The following FUBP1 variants were observed in gnomAD, a reference collection of about 807,000 sequenced individuals.
FUBP1 encodes far upstream element binding protein 1, also known as far upstream element-binding protein 1.
A neutral mutation model predicts 94.9 loss-of-function variants in FUBP1; 16 were observed. The ratio of observed to expected loss-of-function variants is 0.17; its 90% CI spans 0.11 to 0.26. The LOEUF is 0.26. Among genes scored for constraint, FUBP1 ranks in the 10% least tolerant of loss-of-function variants. The probability of loss-of-function intolerance (pLI) is 1.00; values close to 1 mark genes in which losing one functional copy is unlikely to be tolerated. For synonymous variants in FUBP1, 279 were observed against 254.9 expected (o/e 1.09, Z -0.90); for missense variants, 583 against 808.6 (o/e 0.72, Z 3.38).
At position 77,978,998 on chromosome 1, in the gene FUBP1, C is replaced by T. The variant is rs1327627961; in HGVS notation, c.7G>A (p.Asp3Asn). Residue 3 changes from aspartate to asparagine, a missense_variant, in exon 1 of 20, where the codon GAC becomes AAC. Physicochemically the swap from Asp to Asn is conservative, Grantham distance 23. Transcript: ENST00000370768. ...GAGGGGGGAGGCACTGTTGAATAGTCTGCCATGGTTGCACTATAAGAGCCG... is the reference window on the plus strand; with the variant it reads ...GAGGGGGGAGGCACTGTTGAATAGTTTGCCATGGTTGCACTATAAGAGCCG... MADYSTVPPPSSG... is the reference protein window; with the variant it reads MANYSTVPPPSSG... The T allele has an allele frequency of 6.2e-7, 1 of 1,612,584 alleles. No individual in the cohort carries two copies. Among genetic ancestry groups the T allele is most frequent in the Non-Finnish European group, 8.5e-7 (1 of 1,178,920 alleles).
In FUBP1 at chr1:77,964,137, T is replaced by A. The variant is rs768670517; in HGVS notation, c.966A>T (p.Ile322=). ...GGTCTGGAGGTCCTGTTATTTGTGCTATCCTTTCGGGTGTTGTCCCATCAT... is the reference window on the plus strand; with the variant it reads ...GGTCTGGAGGTCCTGTTATTTGTGCAATCCTTTCGGGTGTTGTCCCATCAT... ...KPDDGTTPER[I]AQITGPPDRC... Residue 322 remains isoleucine (I), a synonymous_variant, in exon 12 of 20, where the codon ATA becomes ATT. Transcript: ENST00000370768. 1.9e-6 allele frequency: 3 copies of A among 1,608,840 alleles called. No homozygotes were observed. In the South Asian group the frequency reaches 3.3e-5, roughly 18 times the overall value.
Position 77,944,145 on chromosome 1 carries a change from G to T in FUBP1, c.*4621C>A. 5.2e-6 allele frequency: 1 copy of T among 192,886 alleles called. No homozygotes were observed. The highest frequency in any genetic ancestry group is 8.1e-5 in the East Asian group (1 of 12,300). The allele number at this position is 192,886 out of a possible 1,614,324, so 11.9% of individuals were successfully genotyped here. A position where few individuals can be genotyped will look rare whatever the true frequency, so the allele number is the denominator to read the frequency against. On this transcript the variant is annotated 3_prime_UTR_variant, in exon 20 of 20. Transcript: ENST00000370768. ...ACCTTTTACATACAATGTCATTAAA[G>T]CAAACTCTAAACCACAGTTGTAAAG... is the stretch of plus-strand genomic sequence containing the variant.
At chr1:77,963,408 C>T (rs1327976318) in intron 13 of FUBP1, among the ~76,000 whole-genome samples, 166 bp downstream of exon 13, 2 of 152,172 alleles carry the variant, frequency 1.3e-5, no homozygotes, top group African/African-American at 2.4e-5. Flanking sequence ...TCTAAATATA[C>T]ATGAGATCCC....
intron 18 of FUBP1, among the ~76,000 whole-genome samples, chr1:77,953,171 C>T (rs1653828271): frequency 6.6e-6 from 1 of 151,402 alleles, no homozygotes; most frequent in Non-Finnish European, 1.5e-5. Flanking sequence ...AAGGACTTGC[C>T]CAACTAATCT....
intron 7 of FUBP1, 130 bp downstream of exon 7, chr1:77,966,564 T>C (rs989392382): frequency 1.1e-5 from 7 of 626,814 alleles, no homozygotes; most frequent in Admixed American, 8.7e-5. Flanking sequence ...TTCAAAGGAG[T>C]TGGAGGACTT....
In FUBP1 at chr1:77,956,618, T is replaced by C. The variant is rs781246895; in HGVS notation, c.1659A>G (p.Pro553=). Residue 553 remains proline (P), a synonymous_variant, in exon 17 of 20, where the codon CCA becomes CCG. Coordinates refer to ENST00000370768, the MANE Select transcript of FUBP1 (RefSeq NM_003902.5). ...HYYQQQAQPP[P]AAPAGAPTTT... is the part of the protein sequence containing the mutation. ...TAGTTGGTGCACCTGCAGGGGCTGC[T>C]GGTGGTGGCTGTGCTTGCTGTTGAT... 5 of 1,610,260 alleles carry C rather than the reference T, an allele frequency of 3.1e-6. No homozygotes were observed. In the Admixed American group the frequency reaches 5.0e-5, roughly 16 times the overall value.
At chr1:77,968,930 CATA>C (rs1571333673) in intron 2 of FUBP1, 3 of 447,162 alleles carry the variant, frequency 6.7e-6, no homozygotes, top group South Asian at 3.4e-5. Flanking sequence ...TGCGCAGACA[CATA>C]ATCCAAGAAA....
At chr1:77,978,805 G>A (rs1659270162) in intron 1 of FUBP1, 80 bp downstream of exon 1, 1 of 1,540,948 alleles carries the variant, frequency 6.5e-7, no homozygotes, top group Non-Finnish European at 9.0e-7. Context: ...TCTTCCTCAT[G>A]CGCTTAAGGG....
intron 1 of FUBP1, among the ~76,000 whole-genome samples, chr1:77,978,031 T>C (rs1465724511): frequency 6.6e-6 from 1 of 152,238 alleles, no homozygotes; most frequent in African/African-American, 2.4e-5. Context: ...TCACAGAGAA[T>C]AGGATTCTTT....
In FUBP1 at chr1:77,964,077, A is replaced by C. The variant is rs748472938; in HGVS notation, c.1026T>G (p.Leu342=). 6.4e-7 allele frequency: 1 copy of C among 1,568,272 alleles called. No individual in the cohort carries two copies. Among genetic ancestry groups the C allele is most frequent in the African/African-American group, 1.3e-5 (1 of 74,086 alleles). ...CQHAAEIITD[L]LRSVQAGNPG... ...TCTATCAAACCTGAACACTTCGAAG[A>C]AGGTCTGTAATAATTTCTGCAGCAT... is the stretch of plus-strand genomic sequence containing the variant. The change falls in exon 12 of 20, where the codon CTT becomes CTG. Residue 342 remains leucine (L), a synonymous_variant. Coordinates refer to ENST00000370768, the MANE Select transcript of FUBP1 (RefSeq NM_003902.5).
chr1:77,954,992 A>T (rs975632232), intron 18 of FUBP1, among the ~76,000 whole-genome samples: 1 of 152,198 alleles, frequency 6.6e-6, no homozygotes, highest in Non-Finnish European at 1.5e-5. Context: ...TAATATATAT[A>T]ACTGTCATTG....
At chr1:77,959,709 AT>A (rs1331693067) in intron 16 of FUBP1, among the ~76,000 whole-genome samples, 1 of 151,986 alleles carries the variant, frequency 6.6e-6, no homozygotes, top group Non-Finnish European at 1.5e-5. Context: ...TTTAAAACAA[AT>A]TTTTTTAGAG....
In FUBP1 at chr1:77,967,679, T is replaced by C; in HGVS notation, c.251-13A>G. The C allele has an allele frequency of 6.7e-7, 1 of 1,481,554 alleles. No homozygotes were observed. Among genetic ancestry groups the C allele is most frequent in the Non-Finnish European group, 9.3e-7 (1 of 1,072,576 alleles). 91.8% of individuals were successfully genotyped at this position (1,481,554 alleles called of 1,614,324 possible). On this transcript the variant is annotated splice_polypyrimidine_tract_variant and intron_variant, in intron 3 of 19. Transcript: ENST00000370768. ...TGTGTTCCAAAAGCTATCAAAAAAT[T>C]AAATAAAAATAAAACAAAAATTCAA...
At position 77,960,490 on chromosome 1, in the gene FUBP1, T is replaced by C. The variant is rs765463248; in HGVS notation, c.1350A>G (p.Pro450=). The C allele has an allele frequency of 1.8e-5, 28 of 1,599,488 alleles. No homozygotes were observed. In the African/African-American group the frequency reaches 3.1e-4, roughly 18 times the overall value. ...RQLIEEKIGG[P]VNPLGPPVPH... is the part of the protein sequence containing the mutation. ...GTACAGGTGGCCCTAAAGGATTTAC[T>C]GGGCCCTACAAAAAAAAGGATGACA... Residue 450 remains proline (P), a synonymous_variant, in exon 15 of 20, where the codon CCA becomes CCG. Coordinates refer to ENST00000370768, the MANE Select transcript of FUBP1 (RefSeq NM_003902.5).
At chr1:77,973,187 C>T (rs1657919305) in intron 1 of FUBP1, among the ~76,000 whole-genome samples, 1 of 152,092 alleles carries the variant, frequency 6.6e-6, no homozygotes, top group Admixed American at 6.5e-5. Context: ...AGTACTTGAA[C>T]TCAACATATT....
chr1:77,968,025 A>G, intron 3 of FUBP1, 140 bp downstream of exon 3: 1 of 576,328 alleles, frequency 1.7e-6, no homozygotes, highest in Non-Finnish European at 3.0e-6. Flanking sequence ...AAAAAGGTAT[A>G]TATTTACAAA....
At chr1:77,953,703 AAATT>A (rs1653936653) in intron 18 of FUBP1, among the ~76,000 whole-genome samples, 1 of 152,178 alleles carries the variant, frequency 6.6e-6, no homozygotes, top group African/African-American at 2.4e-5. Flanking sequence ...AAAAAATAAA[AAATT>A]AAAGACAAGG....
chr1:77,959,192 TAC>T (rs1200113014), intron 16 of FUBP1, among the ~76,000 whole-genome samples: 7 of 152,122 alleles, frequency 4.6e-5, no homozygotes, highest in Non-Finnish European at 8.8e-5. Flanking sequence ...TCCTTGAAAC[TAC>T]ACGAGTGAAA....
chr1:77,977,170 T>C (rs780919411), intron 1 of FUBP1, among the ~76,000 whole-genome samples: 1 of 152,142 alleles, frequency 6.6e-6, no homozygotes, highest in South Asian at 2.1e-4. Context: ...AACTATATCA[T>C]AGCTTCTTAG....
Sources: gnomAD v4.1 joint callset for allele counts (sites outside exome capture counted in the v4.1 genomes callset) on GRCh38, gnomAD v4.1.1 for gene constraint, MANE v1.5 for transcripts, NCBI Gene and HGNC (gene_info 2026-07-23, HGNC 2026-07-21) for gene names.